NCALD: variants seen among roughly 807,000 people sequenced by gnomAD.
The protein encoded by NCALD is neurocalcin delta, also known as neurocalcin-delta.
In NCALD, 10 loss-of-function variants were observed where a neutral mutation model predicts 18.6. The observed-to-expected ratio is 0.54, with a 90% CI of 0.33 to 0.91. NCALD has a LOEUF of 0.91. Ranked by LOEUF, NCALD falls within the 40% of genes least tolerant of loss-of-function variation. The pLI is 0.03. For missense variants in NCALD, 184 were observed against 247.6 expected, an observed-to-expected ratio of 0.74 and a Z score of 1.72; for synonymous variants, 88 against 87.4, an observed-to-expected ratio of 1.01 and a Z score of -0.04.
chr8:101,852,845 T>G (rs1244017186), intron 4 of NCALD, among the ~76,000 whole-genome samples: 1 of 152,194 alleles, frequency 6.6e-6, no homozygotes, highest in Admixed American at 6.5e-5. Flanking sequence ...TAATGATGTT[T>G]GGTATTCCCA....
chr8:101,859,829 G>A (rs989267489), intron 4 of NCALD, among the ~76,000 whole-genome samples: 1 of 152,090 alleles, frequency 6.6e-6, no homozygotes, highest in Non-Finnish European at 1.5e-5. Flanking sequence ...AGTAACATAA[G>A]AACATTTCCC....
At chr8:101,856,014 G>T (rs1185164599) in intron 4 of NCALD, among the ~76,000 whole-genome samples, 3 of 152,128 alleles carry the variant, frequency 2.0e-5, no homozygotes, top group African/African-American at 7.2e-5. Flanking sequence ...CAGGCTGTTG[G>T]TGGGTTTCAG....
At chr8:101,913,146 CA>C (rs1817859440) in intron 3 of NCALD, among the ~76,000 whole-genome samples, 2 of 152,172 alleles carry the variant, frequency 1.3e-5, no homozygotes, top group African/African-American at 4.8e-5. Context: ...AGCAGAGGCC[CA>C]AGCTGTACTC....
At chr8:101,960,030 A>G (rs1819779963) in intron 2 of NCALD, among the ~76,000 whole-genome samples, 1 of 152,154 alleles carries the variant, frequency 6.6e-6, no homozygotes, top group East Asian at 1.9e-4. Flanking sequence ...CTTCAGCCCT[A>G]TCTAATGGCT....
At chr8:101,897,374 G>A (rs967428350) in intron 3 of NCALD, among the ~76,000 whole-genome samples, 4 of 127,580 alleles carry the variant, frequency 3.1e-5, no homozygotes, top group Non-Finnish European at 6.6e-5. Flanking sequence ...GGTGGGGTGG[G>A]GGGAGGGGGG....
chr8:101,964,989 C>T lies in NCALD; in HGVS notation c.-156-49131G>A, dbSNP rs138038329. 2.4e-3 allele frequency among the ~76,000 whole-genome samples: 366 copies of T among 152,140 alleles called. 1 individual carries two copies. The highest frequency in any genetic ancestry group is 7.5e-3 in the African/African-American group (310 of 41,514). ...GACACTTCTCAAAAGAAGACATTTA[C>T]GCAGCCAACAAACATATGAAAAAAA... On this transcript the variant is annotated intron_variant, in intron 2 of 6. Transcript: ENST00000311028.
At chr8:101,736,016 A>G (rs1809893349) in intron 1 of NCALD, among the ~76,000 whole-genome samples, 1 of 152,168 alleles carries the variant, frequency 6.6e-6, no homozygotes, top group Non-Finnish European at 1.5e-5. Flanking sequence ...TGTGCCCTAC[A>G]CATCTGGGCT....
intron 3 of NCALD, among the ~76,000 whole-genome samples, chr8:101,900,191 AG>A (rs1317556448): frequency 3.3e-5 from 5 of 151,918 alleles, no homozygotes; most frequent in African/African-American, 1.2e-4. Flanking sequence ...TGATGTCTGC[AG>A]GTCTGTAGTG....
At chr8:101,990,088 G>A (rs185547316) in intron 2 of NCALD, among the ~76,000 whole-genome samples, 8 of 152,160 alleles carry the variant, frequency 5.3e-5, no homozygotes, top group African/African-American at 1.9e-4. Flanking sequence ...TAAGAAACTT[G>A]CTGAAAAAAG....
rs114621325 is a variant in NCALD at position 101,807,169 on chromosome 8, C to T, written c.-20+79972G>A. On this transcript the variant is annotated intron_variant, in intron 4 of 6. Coordinates refer to the NCALD transcript ENST00000311028. ...ACAAGAAATACTAATGGAAGTTCTTCATGCTTAAAGCAAGTGACCTCGGAT... is the reference window on the plus strand; with the variant it reads ...ACAAGAAATACTAATGGAAGTTCTTTATGCTTAAAGCAAGTGACCTCGGAT... 5.7e-3 allele frequency among the ~76,000 whole-genome samples: 871 copies of T among 152,198 alleles called. 11 individuals carry two copies. The highest frequency in any genetic ancestry group is 0.018 in the African/African-American group (766 of 41,560).
At chr8:102,093,474 G>C (rs1347252382) in intron 1 of NCALD, among the ~76,000 whole-genome samples, 1 of 152,138 alleles carries the variant, frequency 6.6e-6, no homozygotes, top group Non-Finnish European at 1.5e-5. Context: ...TTTCCTTAAA[G>C]GTAAGTAAGG....
At chr8:101,952,763 T>C (rs904776113) in intron 2 of NCALD, among the ~76,000 whole-genome samples, 1 of 152,196 alleles carries the variant, frequency 6.6e-6, no homozygotes, top group Non-Finnish European at 1.5e-5. Flanking sequence ...TGGCACTGCA[T>C]AGTTCCCTGG....
chr8:101,782,917 G>C (rs2130965630), intron 1 of NCALD, among the ~76,000 whole-genome samples: 1 of 152,334 alleles, frequency 6.6e-6, no homozygotes, highest in African/African-American at 2.4e-5. Flanking sequence ...ATGCCATCCA[G>C]CCTTCCTAAC....
intron 1 of NCALD, chr8:101,780,061 A>G (rs1687108725): frequency 6.6e-6 from 1 of 152,182 alleles, no homozygotes; most frequent in Non-Finnish European, 1.5e-5. Context: ...GTAAAACATT[A>G]AGAATGATGT....
chr8:101,795,336 A>G (rs1354847044), upstream of NCALD, among the ~76,000 whole-genome samples: 1 of 152,214 alleles, frequency 6.6e-6, no homozygotes, highest in Non-Finnish European at 1.5e-5. Flanking sequence ...GACTGCTATA[A>G]CAAAATACCA....
At chr8:102,080,966 T>A (rs536807858) in intron 1 of NCALD, among the ~76,000 whole-genome samples, 2 of 152,116 alleles carry the variant, frequency 1.3e-5, no homozygotes, top group South Asian at 4.2e-4. Context: ...TTGGTTGGGG[T>A]TTTTTCCCCC....
In NCALD at chr8:101,817,981, T is replaced by TC. The variant is rs1813566995; in HGVS notation, c.-20+69159dup. Among the ~76,000 whole-genome samples the TC allele has an allele frequency of 2.0e-5, 3 of 151,998 alleles. No individual in the cohort carries two copies. The South Asian group carries it at 6.2e-4, about 31-fold the overall frequency. On this transcript the variant is annotated intron_variant, in intron 4 of 6. Transcript: ENST00000311028. ...AATCTGTACGGTGGACTCTGTAGTT[T>TC]CGTATTTGCATTCTGAGCACTTGTG...
chr8:101,827,019 CA>C (rs1813964594), intron 4 of NCALD, among the ~76,000 whole-genome samples: 1 of 152,138 alleles, frequency 6.6e-6, no homozygotes, highest in Admixed American at 6.5e-5. Context: ...CTGAAAACAA[CA>C]AAAATTTATT....
chr8:101,788,257 G>A (rs1812310562), intron 1 of NCALD, among the ~76,000 whole-genome samples: 1 of 152,076 alleles, frequency 6.6e-6, no homozygotes. Context: ...TTGACTCAGG[G>A]GTGGATAAAA....
Sources: allele counts gnomAD v4.1 joint callset (sites outside exome capture counted in the v4.1 genomes callset), GRCh38; gene constraint gnomAD v4.1.1; transcripts MANE v1.5; gene names NCBI Gene and HGNC (gene_info 2026-07-23, HGNC 2026-07-21).